GLRA3: variants seen among roughly 807,000 people sequenced by gnomAD.
The protein encoded by GLRA3 is glycine receptor subunit alpha-3.
Under a neutral mutation model 60.4 loss-of-function variants are expected in GLRA3, and 44 were observed. The ratio of observed to expected loss-of-function variants is 0.73; its 90% CI spans 0.57 to 0.94. The LOEUF (loss-of-function observed/expected upper bound fraction) is 0.94. Ranked by LOEUF, GLRA3 falls within the 40% of genes least tolerant of loss-of-function variation. The probability of loss-of-function intolerance (pLI) is 0.00; values close to 1 mark genes in which losing one functional copy is unlikely to be tolerated. For synonymous variants in GLRA3, 223 were observed against 192.9 expected, an observed-to-expected ratio of 1.16 and a Z score of -1.29; for missense variants, 508 against 564.6, an observed-to-expected ratio of 0.90 and a Z score of 1.02.
At chr4:174,651,573 T>G (rs12507854) in intron 9 of GLRA3, among the ~76,000 whole-genome samples, 36,498 of 152,076 alleles carry the variant, frequency 0.24, 5,415 homozygotes, top group East Asian at 0.4. Flanking sequence ...TGTTTTAAAC[T>G]CAGAGTAACC....
chr4:174,720,167 A>G (rs982295977), intron 4 of GLRA3, among the ~76,000 whole-genome samples: 9 of 152,268 alleles, frequency 5.9e-5, no homozygotes, highest in African/African-American at 1.9e-4. Context: ...AATATTAGTA[A>G]AGTAAGAAAG....
intron 3 of GLRA3, among the ~76,000 whole-genome samples, chr4:174,762,527 G>T (rs1201632314): frequency 6.6e-6 from 1 of 152,030 alleles, no homozygotes; most frequent in African/African-American, 2.4e-5. Context: ...AAGGCATAGG[G>T]TTAGAGAAAT....
Position 174,682,945 on chromosome 4 carries a change from CA to C in GLRA3, c.575-7del, listed in dbSNP as rs1734412219. The C allele has an allele frequency of 6.2e-7, 1 of 1,605,486 alleles. No homozygotes were observed. The highest frequency in any genetic ancestry group is 1.1e-5 in the South Asian group (1 of 90,312). ...ATCATTCATTGTGTACCCAACTAGG[CA>C]AAACATAATAAAAATATGAATAGTC... On this transcript the variant is annotated splice_region_variant and splice_polypyrimidine_tract_variant and intron_variant, in intron 5 of 9. Transcript: ENST00000274093.
chr4:174,653,793 G>T (rs1453895128), intron 9 of GLRA3, among the ~76,000 whole-genome samples: 1 of 151,950 alleles, frequency 6.6e-6, no homozygotes, highest in Non-Finnish European at 1.5e-5. Flanking sequence ...TTAACATTGA[G>T]ATGGAAGTCA....
Position 174,715,553 on chromosome 4 carries a change from G to A in GLRA3, c.509C>T (p.Ser170Phe), listed in dbSNP as rs776289823. The A allele has an allele frequency of 3.3e-6, 5 of 1,509,922 alleles. No individual in the cohort carries two copies. In the Admixed American group the frequency reaches 8.5e-5, roughly 26 times the overall value. The allele number at this position is 1,509,922 out of a possible 1,614,324, so 93.5% of individuals were successfully genotyped here. ...AAAATTCTTGAGATCCATTGGACAG[G>A]AAAGTGTTAATGTTAATCTGAAAGT... ...LYSIRLTLTLSCPMDLKNFPM... is the reference protein window; with the variant it reads ...LYSIRLTLTLFCPMDLKNFPM... Residue 170 changes from serine to phenylalanine, a missense_variant, in exon 5 of 10, where the codon TCC becomes TTC. Ser to Phe is a radical substitution (Grantham distance 155, BLOSUM62 -2). Transcript: ENST00000274093.
At chr4:174,666,755 TATATTA>T (rs142649342) in intron 7 of GLRA3, among the ~76,000 whole-genome samples, 38,367 of 123,662 alleles carry the variant, frequency 0.31, 5,540 homozygotes, top group East Asian at 0.44. Context: ...TATATATATA[TATATTA>T]TATATATATA....
chr4:174,827,815 A>C (rs1211865414), intron 1 of GLRA3, among the ~76,000 whole-genome samples: 2 of 152,042 alleles, frequency 1.3e-5, no homozygotes, highest in African/African-American at 4.8e-5. Context: ...TAAATACTTC[A>C]AGTAGAAATC....
At chr4:174,696,834 G>A (rs1376898497) in intron 5 of GLRA3, among the ~76,000 whole-genome samples, 2 of 151,992 alleles carry the variant, frequency 1.3e-5, no homozygotes, top group Non-Finnish European at 2.9e-5. Context: ...GAGAGAGAGA[G>A]GGAGAGAAAG....
chr4:174,684,778 C>T (rs1431185809), intron 5 of GLRA3, among the ~76,000 whole-genome samples: 4 of 152,148 alleles, frequency 2.6e-5, no homozygotes, highest in Non-Finnish European at 5.9e-5. Context: ...AAGGCCGAGG[C>T]GGGCCGATCA....
chr4:174,766,183 A>G (rs1232639074), intron 3 of GLRA3, among the ~76,000 whole-genome samples: 1 of 152,014 alleles, frequency 6.6e-6, no homozygotes, highest in Non-Finnish European at 1.5e-5. Flanking sequence ...CTTTTAGTTA[A>G]TATTAACTTT....
chr4:174,719,108 C>T (rs1354169474), intron 4 of GLRA3, among the ~76,000 whole-genome samples: 7 of 151,686 alleles, frequency 4.6e-5, no homozygotes, highest in African/African-American at 1.4e-4. Flanking sequence ...GGACTACAGG[C>T]GCCCGCCACC....
chr4:174,645,754 A>T lies in GLRA3; in HGVS notation c.1117-1690T>A, dbSNP rs80135286. 3.0e-3 allele frequency among the ~76,000 whole-genome samples: 457 copies of T among 152,286 alleles called. 4 individuals are homozygous for T. Among genetic ancestry groups the T allele is most frequent in the African/African-American group, 0.01 (436 of 41,552 alleles). On this transcript the variant is annotated intron_variant, in intron 9 of 9. Transcript: ENST00000274093. ...CTGTTGTAAGCTCGCAAAAATTGAAAATCGATTTTCCACTACTCTTTAACA... is the reference window on the plus strand; with the variant it reads ...CTGTTGTAAGCTCGCAAAAATTGAATATCGATTTTCCACTACTCTTTAACA...
At chr4:174,726,804 C>T (rs947763983) in intron 4 of GLRA3, among the ~76,000 whole-genome samples, 21 of 150,490 alleles carry the variant, frequency 1.4e-4, no homozygotes, top group African/African-American at 2.2e-4. Context: ...CCATCTTCCC[C>T]GAAGTGAGAT....
intron 2 of GLRA3, among the ~76,000 whole-genome samples, chr4:174,775,259 T>C (rs1468586196): frequency 1.3e-5 from 2 of 152,106 alleles, no homozygotes; most frequent in African/African-American, 4.8e-5. Context: ...TGGATAGGAA[T>C]AGTAAAAATG....
Position 174,639,715 on chromosome 4 carries a change from G to A in GLRA3, c.*4071C>T, listed in dbSNP as rs1272961089. 2.0e-5 allele frequency: 3 copies of A among 152,022 alleles called. No homozygotes were observed. Among genetic ancestry groups the A allele is most frequent in the Non-Finnish European group, 1.5e-5 (1 of 67,972 alleles). 9.4% of individuals were successfully genotyped at this position (152,022 alleles called of 1,614,324 possible). A position where few individuals can be genotyped will look rare whatever the true frequency, so the allele number is the denominator to read the frequency against. On this transcript the variant is annotated 3_prime_UTR_variant, in exon 10 of 10. Coordinates refer to ENST00000274093, the MANE Select transcript of GLRA3 (RefSeq NM_006529.4). Reference sequence around the variant, plus strand: ...GAAGTTCACTTTTTAATATCACTATGTTTGTAAAGAGGAATGGGGGCTGAG... The same window carrying A: ...GAAGTTCACTTTTTAATATCACTATATTTGTAAAGAGGAATGGGGGCTGAG...
At chr4:174,693,434 T>C (rs190993555) in intron 5 of GLRA3, among the ~76,000 whole-genome samples, 1 of 152,180 alleles carries the variant, frequency 6.6e-6, no homozygotes, top group Admixed American at 6.5e-5. Context: ...CCATTGATTT[T>C]TTTTGTCAGC....
intron 2 of GLRA3, among the ~76,000 whole-genome samples, chr4:174,786,623 A>G (rs1047469498): frequency 6.6e-6 from 1 of 152,244 alleles, no homozygotes; most frequent in Non-Finnish European, 1.5e-5. Context: ...CAATGAAATG[A>G]CACGGTGTTG....
At chr4:174,727,417 C>G (rs1352104203) in intron 4 of GLRA3, among the ~76,000 whole-genome samples, 1 of 152,228 alleles carries the variant, frequency 6.6e-6, no homozygotes, top group Middle Eastern at 3.4e-3. Flanking sequence ...AAGCCTAAGA[C>G]CTCAATATTA....
intron 7 of GLRA3, among the ~76,000 whole-genome samples, chr4:174,675,630 C>T (rs572273895): frequency 2.6e-5 from 4 of 152,130 alleles, no homozygotes; most frequent in South Asian, 2.1e-4. Flanking sequence ...TTTATCCTTA[C>T]GTAAATAAGC....
Sources: allele counts gnomAD v4.1 joint callset (sites outside exome capture counted in the v4.1 genomes callset), GRCh38; gene constraint gnomAD v4.1.1; transcripts MANE v1.5; gene names NCBI Gene and HGNC (gene_info 2026-07-23, HGNC 2026-07-21).